KALRN: variants seen among roughly 807,000 people sequenced by gnomAD.
KALRN encodes kalirin.
KALRN carries 70 observed loss-of-function variants against 353.7 expected under a neutral mutation model. The ratio of observed to expected loss-of-function variants is 0.20; its 90% confidence interval spans 0.16 to 0.24. The LOEUF is 0.24. Ranked by LOEUF, KALRN falls within the 10% of genes least tolerant of loss-of-function variation. The pLI is 1.00. For synonymous variants in KALRN, 1,391 were observed against 1,434.8 expected (o/e 0.97, Z 0.69); for missense variants, 2,791 against 3,756.7 (o/e 0.74, Z 6.72).
At chr3:124,091,249 G>A (rs953254878) in intron 1 of KALRN, among the ~76,000 whole-genome samples, 4 of 152,242 alleles carry the variant, frequency 2.6e-5, no homozygotes, top group Admixed American at 1.3e-4. Flanking sequence ...GGGGCAGGGT[G>A]AGGGAGATCA....
At chr3:124,555,898 C>T (rs943705126) in intron 33 of KALRN, among the ~76,000 whole-genome samples, 9 of 152,154 alleles carry the variant, frequency 5.9e-5, no homozygotes, top group Non-Finnish European at 8.8e-5. Flanking sequence ...CAAGGCAACA[C>T]ATTAATGATA....
intron 34 of KALRN, among the ~76,000 whole-genome samples, chr3:124,577,583 CT>C (rs976650444): frequency 6.6e-6 from 1 of 152,120 alleles, no homozygotes; most frequent in African/African-American, 2.4e-5. Flanking sequence ...ATATTATACA[CT>C]TTTGAAAAAA....
At chr3:124,536,250 G>A (rs1460089447) in intron 33 of KALRN, among the ~76,000 whole-genome samples, 1 of 136,092 alleles carries the variant, frequency 7.3e-6, no homozygotes, top group Admixed American at 8.2e-5. Context: ...CACCAAGGCT[G>A]GAGTGCAATG....
intron 25 of KALRN, among the ~76,000 whole-genome samples, chr3:124,463,898 A>G (rs2060086415): frequency 6.6e-6 from 1 of 152,198 alleles, no homozygotes; most frequent in South Asian, 2.1e-4. Flanking sequence ...TATTGAAGCA[A>G]TACGCTCTGG....
chr3:124,317,775 G>C (rs1246048300), intron 6 of KALRN, among the ~76,000 whole-genome samples: 1 of 147,792 alleles, frequency 6.8e-6, no homozygotes, highest in African/African-American at 2.5e-5. Flanking sequence ...ATAAAATGCT[G>C]ATAAATATAT....
chr3:124,300,393 T>C (rs999458276), intron 6 of KALRN, among the ~76,000 whole-genome samples: 2 of 152,190 alleles, frequency 1.3e-5, no homozygotes, highest in Admixed American at 6.5e-5. Flanking sequence ...CCCTAGCTTG[T>C]AGGAGCTCTG....
intron 1 of KALRN, among the ~76,000 whole-genome samples, chr3:124,092,557 G>A (rs2061180539): frequency 1.3e-5 from 2 of 152,330 alleles, no homozygotes; most frequent in African/African-American, 4.8e-5. Context: ...TGCCCTGGAG[G>A]GGCCTCCCTC....
intron 1 of KALRN, among the ~76,000 whole-genome samples, chr3:124,137,466 T>C (rs997289743): frequency 2.0e-5 from 3 of 152,086 alleles, no homozygotes; most frequent in African/African-American, 4.8e-5. Flanking sequence ...CAGCTCATTA[T>C]GGGAGCAATG....
At chr3:124,346,998 A>T in intron 9 of KALRN, 145 bp from the exon 10 acceptor site, 2 of 1,157,216 alleles carry the variant, frequency 1.7e-6, no homozygotes, top group Non-Finnish European at 2.5e-6. Context: ...ATGGACTCAC[A>T]GCAGATTGAC....
At chr3:124,693,897 A>G in intron 52 of KALRN, 66 bp downstream of exon 52, 1 of 1,108,118 alleles carries the variant, frequency 9.0e-7, no homozygotes, top group Non-Finnish European at 1.3e-6. Context: ...TTAATCCAGC[A>G]CTAAAGCACT....
At chr3:124,115,624 T>C (rs2063384462) in intron 1 of KALRN, among the ~76,000 whole-genome samples, 1 of 152,190 alleles carries the variant, frequency 6.6e-6, no homozygotes, top group Non-Finnish European at 1.5e-5. Flanking sequence ...AGAGGGTGTG[T>C]CCCTTGATTT....
Position 124,334,194 on chromosome 3 carries a change from C to T in KALRN, c.1417-71C>T, listed in dbSNP as rs184091397. On this transcript the variant is annotated intron_variant, in intron 8 of 59. Coordinates refer to ENST00000682506, the MANE Select transcript of KALRN (RefSeq NM_001388419.1). The surrounding 1 kb of genome is among the most constrained non-coding windows in gnomAD (Gnocchi z 4.2). ...GCCTAGTCAGGGACCCTCAGGCAGA[C>T]ACTTCCTGCTTCTCTCTGTGCCCTG... 4 of 1,316,590 alleles carry T rather than the reference C, an allele frequency of 3.0e-6. No individual in the cohort carries two copies. In the East Asian group the frequency reaches 9.2e-5, roughly 30 times the overall value. 81.6% of individuals were successfully genotyped at this position (1,316,590 alleles called of 1,614,324 possible).
In KALRN at chr3:124,498,481, G is replaced by T. The variant is rs528957814; in HGVS notation, c.4935+2068G>T. 4.3e-4 allele frequency among the ~76,000 whole-genome samples: 66 copies of T among 152,274 alleles called. No homozygotes were observed. In the South Asian group the frequency reaches 0.014, roughly 32 times the overall value. ...TACTTGTGGAATAAATAAATAGAGG[G>T]GGCAAAATGGCTGGTCTCAGGAAAC... On this transcript the variant is annotated intron_variant, in intron 33 of 59. Transcript: ENST00000682506.
At chr3:124,549,385 T>TCA (rs374992639) in intron 33 of KALRN, among the ~76,000 whole-genome samples, 78 of 130,936 alleles carry the variant, frequency 6.0e-4, no homozygotes, top group South Asian at 1.0e-3. Context: ...ACACACACAA[T>TCA]CACACACACA....
At chr3:124,275,649 T>C (rs1327540292) in intron 5 of KALRN, among the ~76,000 whole-genome samples, 2 of 152,252 alleles carry the variant, frequency 1.3e-5, no homozygotes, top group Admixed American at 1.3e-4. Flanking sequence ...CCCTGCACTA[T>C]TTCAGTTATG....
At chr3:124,370,583 C>T (rs1576373357) in intron 10 of KALRN, among the ~76,000 whole-genome samples, 1 of 152,234 alleles carries the variant, frequency 6.6e-6, no homozygotes, top group African/African-American at 2.4e-5. Context: ...CTCCCACTTC[C>T]ACCTCTTGGT....
intron 1 of KALRN, among the ~76,000 whole-genome samples, chr3:124,220,918 T>C (rs954910374): frequency 3.9e-5 from 6 of 152,314 alleles, no homozygotes; most frequent in Admixed American, 3.3e-4. Context: ...GAGGTTGGGA[T>C]CAGAGCCTGC....
chr3:124,615,603 A>T lies in KALRN; in HGVS notation c.5183-16817A>T, dbSNP rs62267609. On this transcript the variant is annotated intron_variant, in intron 34 of 59. Coordinates refer to ENST00000682506, the MANE Select transcript of KALRN (RefSeq NM_001388419.1). The stretch of plus-strand genomic sequence containing the variant: ...TCTGAGTAAAGAGTATATAGGAATT[A>T]TTTGTACTAGTCGTGTAACCTTTCT... 3.3e-5 allele frequency among the ~76,000 whole-genome samples: 5 copies of T among 152,234 alleles called. No individual in the cohort carries two copies. The South Asian group carries it at 1.0e-3, about 32-fold the overall frequency.
At chr3:124,060,613 T>C (rs146862910) in intron 1 of KALRN, among the ~76,000 whole-genome samples, 257 of 152,314 alleles carry the variant, frequency 1.7e-3, no homozygotes, top group African/African-American at 5.7e-3. Context: ...GAGAAATTGT[T>C]CCAGGTATCT....
Sources: gnomAD v4.1 joint callset for allele counts (sites outside exome capture counted in the v4.1 genomes callset) on GRCh38, gnomAD v4.1.1 for gene constraint, Gnocchi (gnomAD v3.1) non-coding constraint, MANE v1.5 for transcripts, NCBI Gene and HGNC (gene_info 2026-07-23, HGNC 2026-07-21) for gene names.